The following MIB2 variants were observed in gnomAD, a reference collection of about 807,000 sequenced individuals.
MIB2 encodes MIB E3 ubiquitin protein ligase 2.
MIB2 carries 78 observed loss-of-function variants against 96.6 expected under a neutral mutation model. The ratio of observed to expected loss-of-function variants is 0.81; its 90% CI spans 0.67 to 0.97. The LOEUF is 0.97. Among genes scored for constraint, MIB2 ranks in the 50% least tolerant of loss-of-function variants. The probability of loss-of-function intolerance (pLI) is 0.00; values close to 1 mark genes in which losing one functional copy is unlikely to be tolerated. For missense variants in MIB2, 1,543 were observed against 1,424.0 expected (o/e 1.08, Z -1.35); for synonymous variants, 820 against 629.5 (o/e 1.30, Z -4.53).
chr1:1,629,757 G>A, intron 19 of MIB2, 53 bp downstream of exon 19: 3 of 1,503,348 alleles, frequency 2.0e-6, no homozygotes, highest in Non-Finnish European at 8.9e-7. Flanking sequence ...GGTGGCCCGC[G>A]GGTCCCCGTC....
At chr1:1,627,950 C>T in intron 13 of MIB2, 69 bp from the exon 14 acceptor site, 1 of 1,606,040 alleles carries the variant, frequency 6.2e-7, no homozygotes, top group Non-Finnish European at 8.5e-7. Flanking sequence ...GAGTGCTGCT[C>T]CCTGGGTGCC....
Position 1,625,288 on chromosome 1 carries a change from A to T in MIB2, c.724A>T (p.Lys242Ter). Residue 242 changes from lysine to a stop codon, truncating the protein, a stop_gained and splice_region_variant, in exon 7 of 20, where the codon AAG becomes TAG. Transcript: ENST00000355826. LOFTEE classifies it high-confidence loss of function. This position sits in a 1 kb window ranked among gnomAD's most constrained non-coding sequence, Gnocchi z 5.0. ...YYKDHLPRLG[K>*]PAELQRRVSA... ...GCCTGGTCTGCCACCCTCCGCAGGC[A>T]AGCCGGCGGAGCTGCAGCGCAGGGT... The T allele has an allele frequency of 6.3e-7, 1 of 1,590,148 alleles. No homozygotes were observed.
chr1:1,616,362 C>T (rs1375837669), intron 1 of MIB2, 146 bp from the exon 2 acceptor site: 5 of 612,238 alleles, frequency 8.2e-6, no homozygotes, highest in Non-Finnish European at 1.1e-5. Context: ...CCCCAGGGAG[C>T]CCATCCGGGC....
chr1:1,624,093 C>T, intron 4 of MIB2, 148 bp downstream of exon 4: 2 of 980,910 alleles, frequency 2.0e-6, no homozygotes, highest in Non-Finnish European at 2.9e-6. Context: ...GCAGTGGTGC[C>T]ATGGGCAGGG....
Position 1,619,917 on chromosome 1 carries a change from C to T in MIB2, c.-23+3303C>T, listed in dbSNP as rs867065934. Among the ~76,000 whole-genome samples the T allele has an allele frequency of 6.5e-4, 99 of 152,218 alleles. 1 individual carries two copies. The highest frequency in any genetic ancestry group is 2.4e-3 in the African/African-American group (98 of 41,448). ...AGCTGCCTGGCTGTGCTAAAAATAC[C>T]GGGCATGCTGCAGACAGGTGCCAGT... On this transcript the variant is annotated intron_variant, in intron 2 of 19. Transcript: ENST00000355826.
intron 1 of MIB2, chr1:1,615,887 A>G (rs997517709): frequency 1.0e-5 from 11 of 1,061,836 alleles, no homozygotes; most frequent in African/African-American, 3.4e-5. Flanking sequence ...GCCCGGGGCC[A>G]GCGGCGCTGG....
At position 1,627,660 on chromosome 1, in the gene MIB2, C is replaced by G; in HGVS notation, c.1524-13C>G. 1 of 1,589,526 alleles carries G rather than the reference C, an allele frequency of 6.3e-7. No homozygotes were observed. The highest frequency in any genetic ancestry group is 8.5e-7 in the Non-Finnish European group (1 of 1,176,102). Reference sequence around the variant, plus strand: ...GCCCGGCGCCCTCCCTCTCCCACTTCCTCTCCTGTCAGGAACCAGCCCGAG... The same window carrying G: ...GCCCGGCGCCCTCCCTCTCCCACTTGCTCTCCTGTCAGGAACCAGCCCGAG... On this transcript the variant is annotated splice_polypyrimidine_tract_variant and intron_variant, in intron 12 of 19. Transcript: ENST00000355826.
At position 1,626,884 on chromosome 1, in the gene MIB2, C is replaced by A. The variant is rs774899672; in HGVS notation, c.1125C>A (p.Asn375Lys). The A allele has an allele frequency of 6.2e-7, 1 of 1,606,244 alleles. No homozygotes were observed. The highest frequency in any genetic ancestry group is 1.7e-5 in the Admixed American group (1 of 59,976). The change falls in exon 10 of 20, where the codon AAC becomes AAA. Residue 375 changes from asparagine (N) to lysine (K), a missense_variant. Coordinates refer to ENST00000355826, the MANE Select transcript of MIB2 (RefSeq NM_001170687.4). This position sits in a 1 kb window ranked among gnomAD's most constrained non-coding sequence, Gnocchi z 5.3. ...TGGTGAAAGTGTTTGGAGACGGGAA[C>A]CTGCGTGTAGCAGTCGCTGGTCAGC... is the stretch of plus-strand genomic sequence containing the variant. Reference protein sequence around the residue: ...GKVVKVFGDGNLRVAVAGQRW... With the variant: ...GKVVKVFGDGKLRVAVAGQRW...
chr1:1,630,361 G>A lies in MIB2; in HGVS notation c.2699G>A (p.Ser900Asn), dbSNP rs763431330. ...CGCCAGCTGGTGGAGGAGCTGCAGA[G>A]CCGCTACCGGCAGATGGAGGAACGC... ...PPRQLVEELQ[S>N]RYRQMEERIT... The change falls in exon 20 of 20, where the codon AGC (serine) becomes AAC (asparagine). Residue 900 changes from serine to asparagine, a missense_variant. Coordinates refer to ENST00000355826, the MANE Select transcript of MIB2 (RefSeq NM_001170687.4). The A allele has an allele frequency of 1.3e-5, 20 of 1,542,300 alleles. No individual in the cohort carries two copies. The highest frequency in any genetic ancestry group is 9.9e-5 in the East Asian group (4 of 40,304).
rs1421499033 is a variant in MIB2, at chr1:1,625,462, TGCCCTCCCA to T, written c.864+42_864+50del. 1 of 1,560,176 alleles carries T rather than the reference TGCCCTCCCA, an allele frequency of 6.4e-7. No homozygotes were observed. ...CCCCGCCGTGGAGCCCTGTGTGCCC[TGCCCTCCCA>T]GCCCTCCGCCCCCTCAGCCCCTTCC... On this transcript the variant is annotated intron_variant, in intron 7 of 19. Transcript: ENST00000355826. The surrounding 1 kb of genome is among the most constrained non-coding windows in gnomAD (Gnocchi z 5.0).
chr1:1,619,631 C>T (rs1448595710), intron 2 of MIB2, among the ~76,000 whole-genome samples: 1 of 152,174 alleles, frequency 6.6e-6, no homozygotes, highest in Non-Finnish European at 1.5e-5. Flanking sequence ...CTTGAGGAGG[C>T]GCCGGGTCTA....
Position 1,625,727 on chromosome 1 carries a change from G to T in MIB2, c.972+74G>T. 7.8e-7 allele frequency: 1 copy of T among 1,276,670 alleles called. No individual in the cohort carries two copies. Among genetic ancestry groups the T allele is most frequent in the Non-Finnish European group, 1.1e-6 (1 of 908,216 alleles). The allele number at this position is 1,276,670 out of a possible 1,614,324, so 79.1% of individuals were successfully genotyped here. A position where few individuals can be genotyped will look rare whatever the true frequency, so the allele number is the denominator to read the frequency against. ...TTCCACGTACCCCCTTGGCCTTGGG[G>T]GGTCAGGCAGGACTAGGGTGCCAGC... On this transcript the variant is annotated intron_variant, in intron 8 of 19. Transcript: ENST00000355826. This position sits in a 1 kb window ranked among gnomAD's most constrained non-coding sequence, Gnocchi z 5.0.
In MIB2 at chr1:1,626,281, C is replaced by A; in HGVS notation, c.973-369C>A. 1 of 306,494 alleles carries A rather than the reference C, an allele frequency of 3.3e-6. No individual in the cohort carries two copies. The highest frequency in any genetic ancestry group is 6.1e-5 in the East Asian group (1 of 16,306). 19.0% of individuals were successfully genotyped at this position (306,494 alleles called of 1,614,324 possible). A position where few individuals can be genotyped will look rare whatever the true frequency, so the allele number is the denominator to read the frequency against. On this transcript the variant is annotated intron_variant, in intron 8 of 19. Transcript: ENST00000355826. The surrounding 1 kb of genome is among the most constrained non-coding windows in gnomAD (Gnocchi z 5.3). ...GGGCTCAGGTGGGGCAGAGTGGGCC[C>A]GTCCTGCACCCCATGGTCCTGGGGC...
At position 1,626,748 on chromosome 1, in the gene MIB2, G is replaced by T. The variant is rs559733323; in HGVS notation, c.1071G>T (p.Met357Ile). 10 of 1,590,534 alleles carry T rather than the reference G, an allele frequency of 6.3e-6. No homozygotes were observed. In the East Asian group the frequency reaches 2.0e-4, roughly 32 times the overall value. ...QAGHGEWTDD[M>I]APALGRVGKV... The stretch of plus-strand genomic sequence containing the variant: ...GGCATGGCGAGTGGACGGACGACAT[G>T]GCCCCTGTGAGTCCCCCTGCCACCC... The change falls in exon 9 of 20, where the codon ATG becomes ATT. Residue 357 changes from methionine to isoleucine, a missense_variant. By Grantham distance (10) the Met-to-Ile change is conservative. Coordinates refer to ENST00000355826, the MANE Select transcript of MIB2 (RefSeq NM_001170687.4). The surrounding 1 kb of genome is among the most constrained non-coding windows in gnomAD (Gnocchi z 5.3).
chr1:1,629,434 G>C lies in MIB2; in HGVS notation c.2431G>C (p.Gly811Arg), dbSNP rs1339370499. The change falls in exon 18 of 20, where the codon GGG becomes CGG. Residue 811 changes from glycine (G) to arginine (R), a missense_variant. Coordinates refer to ENST00000355826, the MANE Select transcript of MIB2 (RefSeq NM_001170687.4). ...GGCCCCGGGCCCCAGGCAAACGCTC[G>C]GGACCCCCAACACCGTGACGAACCT... ...GAAPGPRQTL[G>R]TPNTVTNLHV... is the part of the protein sequence containing the mutation. 6 of 1,491,740 alleles carry C rather than the reference G, an allele frequency of 4.0e-6. No homozygotes were observed. In the Admixed American group the frequency reaches 1.1e-4, roughly 27 times the overall value. 92.4% of individuals were successfully genotyped at this position (1,491,740 alleles called of 1,614,324 possible).
rs1465861470 is a variant in MIB2 at position 1,625,379 on chromosome 1, T to C, written c.815T>C (p.Leu272Pro). The C allele has an allele frequency of 1.3e-6, 2 of 1,588,660 alleles. No individual in the cohort carries two copies. Among genetic ancestry groups the C allele is most frequent in the Non-Finnish European group, 1.7e-6 (2 of 1,168,350 alleles). The change falls in exon 7 of 20, where the codon CTG becomes CCG. Residue 272 changes from leucine (L) to proline (P), a missense_variant. By Grantham distance (98) the Leu-to-Pro change is moderately conservative. Transcript: ENST00000355826. The surrounding 1 kb of genome is among the most constrained non-coding windows in gnomAD (Gnocchi z 5.0). The stretch of plus-strand genomic sequence containing the variant: ...AAGTGTCTGCTGGACACTGATGTCC[T>C]GCGGGAGATGCAGGAAGGCCACGGC... The part of the protein sequence containing the change: ...KVKCLLDTDV[L>P]REMQEGHGGW...
At chr1:1,628,225 C>T (rs777205860) in intron 14 of MIB2, 46 bp downstream of exon 14, 2 of 1,612,300 alleles carry the variant, frequency 1.2e-6, no homozygotes, top group South Asian at 2.2e-5. Flanking sequence ...TCTTGCTGTG[C>T]TGCCTGGGGG....
chr1:1,617,655 G>GAC (rs1643879218), intron 2 of MIB2: 1 of 152,198 alleles, frequency 6.6e-6, no homozygotes, highest in African/African-American at 2.4e-5. Flanking sequence ...GCGAATCTGT[G>GAC]ACCCAGGAAG....
At chr1:1,622,319 C>T (rs1174377961) in intron 2 of MIB2, among the ~76,000 whole-genome samples, 1 of 152,258 alleles carries the variant, frequency 6.6e-6, no homozygotes, top group African/African-American at 2.4e-5. Context: ...GTAGCCTCCA[C>T]CTTCTGATTT....
Sources: gnomAD v4.1 joint callset for allele counts (sites outside exome capture counted in the v4.1 genomes callset) on GRCh38, gnomAD v4.1.1 for gene constraint, Gnocchi (gnomAD v3.1) non-coding constraint, MANE v1.5 for transcripts, NCBI Gene and HGNC (gene_info 2026-07-23, HGNC 2026-07-21) for gene names.